The following TAB2 variants were observed in gnomAD, a reference collection of about 807,000 sequenced individuals.
TAB2 encodes the protein TGF-beta activated kinase 1 (MAP3K7) binding protein 2.
A neutral mutation model predicts 65.0 loss-of-function variants in TAB2; 3 were observed. The ratio of observed to expected loss-of-function variants is 0.05; its 90% CI spans 0.02 to 0.12. The LOEUF (loss-of-function observed/expected upper bound fraction) is 0.12, where lower values mean the gene tolerates loss of function less well. TAB2 is among the 10% of genes least tolerant of loss of function. The pLI is 1.00. For missense variants in TAB2, 623 were observed against 840.3 expected (o/e 0.74, Z 3.20); for synonymous variants, 298 against 285.1 (o/e 1.05, Z -0.46).
intron 1 of TAB2, among the ~76,000 whole-genome samples, chr6:149,319,958 C>T (rs1779380795): frequency 6.6e-6 from 1 of 152,194 alleles, no homozygotes; most frequent in African/African-American, 2.4e-5. Context: ...TAAATTTTAA[C>T]TTAATCCCGT....
chr6:149,373,367 C>T (rs375546804), intron 2 of TAB2, among the ~76,000 whole-genome samples: 15 of 152,280 alleles, frequency 9.9e-5, no homozygotes, highest in African/African-American at 3.6e-4. Context: ...GTATATGCAA[C>T]ACTTAATATT....
At chr6:149,276,959 T>C (rs761359013) in intron 1 of TAB2, among the ~76,000 whole-genome samples, 1 of 152,202 alleles carries the variant, frequency 6.6e-6, no homozygotes, top group Non-Finnish European at 1.5e-5. Flanking sequence ...GTTTCCCCCA[T>C]ACTGTTCTCT....
Position 149,409,766 on chromosome 6 carries a change from A to G in TAB2, c.*47A>G, listed in dbSNP as rs182985726. 172 of 1,611,078 alleles carry G rather than the reference A, an allele frequency of 1.1e-4. No individual in the cohort carries two copies. Among genetic ancestry groups the G allele is most frequent in the Non-Finnish European group, 4.2e-6 (5 of 1,177,452 alleles). On this transcript the variant is annotated 3_prime_UTR_variant, in exon 7 of 7. Transcript: ENST00000637181. ...TCTAAAACCACATCTAAAGTTCAAG[A>G]AACTAGTCTGTCATCGGGAAAAAGT...
intron 1 of TAB2, among the ~76,000 whole-genome samples, chr6:149,320,284 C>G: frequency 6.6e-6 from 1 of 152,114 alleles, no homozygotes; most frequent in African/African-American, 2.4e-5. Flanking sequence ...ACCATGATGG[C>G]CTGGCTGGTC....
intron 3 of TAB2, among the ~76,000 whole-genome samples, chr6:149,383,159 A>T (rs543569490): frequency 3.9e-4 from 59 of 152,276 alleles, no homozygotes; most frequent in African/African-American, 1.3e-3. Context: ...GTCTCAAAAA[A>T]ATAAAGAAGA....
chr6:149,335,558 G>A (rs191530707), intron 1 of TAB2, among the ~76,000 whole-genome samples: 3 of 151,990 alleles, frequency 2.0e-5, no homozygotes, highest in Admixed American at 1.3e-4. Context: ...ACTTTTTGTA[G>A]AGGCAGGGTT....
At chr6:149,291,619 G>A (rs567514409) in intron 1 of TAB2, 10 of 152,600 alleles carry the variant, frequency 6.6e-5, no homozygotes, top group African/African-American at 2.2e-4. Context: ...CCAGCACTTT[G>A]GGAGGCTGAG....
intron 3 of TAB2, among the ~76,000 whole-genome samples, chr6:149,391,814 T>C (rs577070850): frequency 6.6e-6 from 1 of 152,274 alleles, no homozygotes; most frequent in South Asian, 2.1e-4. Context: ...GTGCTGGGAT[T>C]ACAGGCATGA....
chr6:149,372,030 A>G (rs1004547136), intron 2 of TAB2, among the ~76,000 whole-genome samples: 1 of 152,200 alleles, frequency 6.6e-6, no homozygotes, highest in Non-Finnish European at 1.5e-5. Flanking sequence ...TAACAGAAAG[A>G]TACTGTAAGT....
intron 1 of TAB2, among the ~76,000 whole-genome samples, chr6:149,250,521 A>T (rs560199453): frequency 6.6e-6 from 1 of 152,088 alleles, no homozygotes; most frequent in Admixed American, 6.5e-5. Flanking sequence ...CCCCATGCTG[A>T]TCTCAAACTC....
At chr6:149,308,266 T>A (rs1779103427) in intron 1 of TAB2, among the ~76,000 whole-genome samples, 1 of 152,150 alleles carries the variant, frequency 6.6e-6, no homozygotes, top group African/African-American at 2.4e-5. Context: ...AAAATTCCAA[T>A]ACATGTTGTC....
chr6:149,308,517 T>C (rs866743738), intron 1 of TAB2, among the ~76,000 whole-genome samples: 38 of 133,450 alleles, frequency 2.8e-4, no homozygotes, highest in African/African-American at 9.4e-4. Context: ...TATTTATTTA[T>C]TTACTTATTT....
rs559771770 is a variant in TAB2, at chr6:149,378,226, C to T, written c.311C>T (p.Thr104Met). 303 of 1,613,818 alleles carry T rather than the reference C, an allele frequency of 1.9e-4. 2 individuals carry two copies. In the East Asian group the frequency reaches 5.5e-3, roughly 29 times the overall value. Residue 104 changes from threonine to methionine, a missense_variant, in exon 3 of 7, where the codon ACG (threonine) becomes ATG (methionine). By Grantham distance (81) the Thr-to-Met change is moderately conservative. Around this residue, in one of 3 missense-constraint regions of TAB2, gnomAD observed 550 missense variants for 665.7 expected, o/e 0.83. Coordinates refer to ENST00000637181, the MANE Select transcript of TAB2 (RefSeq NM_001292034.3). ...GSRMNGSRTL[T>M]HSISDGQLQG... ...AGGATGAATGGAAGTAGGACTCTAACGCACAGCATTAGTGATGGACAACTT... is the reference window on the plus strand; with the variant it reads ...AGGATGAATGGAAGTAGGACTCTAATGCACAGCATTAGTGATGGACAACTT...
At chr6:149,275,867 C>A (rs528859294) in intron 1 of TAB2, among the ~76,000 whole-genome samples, 3 of 152,266 alleles carry the variant, frequency 2.0e-5, no homozygotes, top group South Asian at 4.1e-4. Flanking sequence ...ATAACCTGAT[C>A]GGTACTCCTC....
At chr6:149,365,284 A>G (rs1162842402) in intron 1 of TAB2, among the ~76,000 whole-genome samples, 1 of 152,214 alleles carries the variant, frequency 6.6e-6, no homozygotes, top group Non-Finnish European at 1.5e-5. Flanking sequence ...GAAATTAAGT[A>G]AATACCAATT....
intron 1 of TAB2, among the ~76,000 whole-genome samples, chr6:149,222,252 G>A (rs541016195): frequency 6.6e-6 from 1 of 151,956 alleles, no homozygotes; most frequent in African/African-American, 2.4e-5. Context: ...AGCTTTCCTG[G>A]GCCTTCAGCT....
intron 1 of TAB2, among the ~76,000 whole-genome samples, chr6:149,293,482 A>G (rs1021923506): frequency 2.1e-4 from 32 of 152,142 alleles, no homozygotes; most frequent in African/African-American, 7.7e-4. Context: ...TCAAAATAGA[A>G]CTGGTCTGAG....
intron 1 of TAB2, among the ~76,000 whole-genome samples, chr6:149,259,495 T>C (rs1416425725): frequency 6.6e-6 from 1 of 152,188 alleles, no homozygotes; most frequent in Non-Finnish European, 1.5e-5. Context: ...TGTCAGAATG[T>C]TCCATCTCCA....
intron 1 of TAB2, among the ~76,000 whole-genome samples, chr6:149,275,196 GC>G (rs1247378000): frequency 7.6e-6 from 1 of 131,640 alleles, no homozygotes; most frequent in Non-Finnish European, 1.6e-5. Flanking sequence ...TGCTCACTGA[GC>G]CTTGAACTCC....
Sources: gnomAD v4.1 joint callset for allele counts (sites outside exome capture counted in the v4.1 genomes callset) on GRCh38, gnomAD v4.1.1 for gene constraint, gnomAD v4.1.1 regional missense constraint, MANE v1.5 for transcripts, NCBI Gene and HGNC (gene_info 2026-07-23, HGNC 2026-07-21) for gene names.